The following DNAH9 variants were observed in gnomAD, a reference collection of about 807,000 sequenced individuals.
The protein encoded by DNAH9 is DNAH9 variant protein.
DNAH9 carries 345 observed loss-of-function variants against 471.6 expected under a neutral mutation model. The observed-to-expected ratio is 0.73, with a 90% CI of 0.67 to 0.80. The LOEUF is 0.80. Among genes scored for constraint, DNAH9 ranks in the 30% least tolerant of loss-of-function variants. The pLI is 0.00. For synonymous variants in DNAH9, 2,093 were observed against 2,123.6 expected, an observed-to-expected ratio of 0.99 and a Z score of 0.40; for missense variants, 5,407 against 5,609.2, an observed-to-expected ratio of 0.96 and a Z score of 1.15.
At chr17:11,847,657 A>G (rs1971273973) in intron 49 of DNAH9, among the ~76,000 whole-genome samples, 2 of 152,182 alleles carry the variant, frequency 1.3e-5, no homozygotes, top group African/African-American at 4.8e-5. Flanking sequence ...AATCTTCTCT[A>G]TATATGAAAA....
At chr17:11,695,391 A>G (rs538777725) in intron 22 of DNAH9, among the ~76,000 whole-genome samples, 48 of 152,182 alleles carry the variant, frequency 3.2e-4, no homozygotes, top group Non-Finnish European at 5.3e-4. Context: ...AAATTTCTAT[A>G]GGGAGATAAG....
At chr17:11,895,463 TTCTC>T (rs1216898620) in intron 59 of DNAH9, among the ~76,000 whole-genome samples, 1 of 152,230 alleles carries the variant, frequency 6.6e-6, no homozygotes, top group Admixed American at 6.5e-5. Context: ...TTGGCTTTCT[TTCTC>T]CTTATTTTTT....
intron 26 of DNAH9, among the ~76,000 whole-genome samples, chr17:11,713,968 A>G (rs972969592): frequency 6.6e-6 from 1 of 152,210 alleles, no homozygotes; most frequent in African/African-American, 2.4e-5. Flanking sequence ...CATTTTGAGA[A>G]AGACATTTAC....
At chr17:11,637,189 G>C (rs372865625) in intron 9 of DNAH9, among the ~76,000 whole-genome samples, 9 of 152,212 alleles carry the variant, frequency 5.9e-5, no homozygotes, top group Non-Finnish European at 1.0e-4. Flanking sequence ...CTTCTGGTGG[G>C]AGGAACCAGC....
At chr17:11,901,660 C>T (rs537073772) in intron 59 of DNAH9, among the ~76,000 whole-genome samples, 12 of 152,274 alleles carry the variant, frequency 7.9e-5, no homozygotes, top group East Asian at 7.7e-4. Context: ...CATGCCACTG[C>T]GCTCCAGCCT....
intron 19 of DNAH9, 44 bp from the exon 20 acceptor site, chr17:11,689,521 GC>G: frequency 6.5e-7 from 1 of 1,532,048 alleles, no homozygotes. Context: ...TAGGAGATGG[GC>G]CCCTGCGTGC....
At chr17:11,754,133 C>CA (rs57757184) in intron 33 of DNAH9, among the ~76,000 whole-genome samples, 223 of 143,090 alleles carry the variant, frequency 1.6e-3, no homozygotes, top group Admixed American at 2.0e-3. Context: ...TTCATGTTCC[C>CA]AAAAAAAAAA....
At chr17:11,730,079 C>T (rs917862111) in intron 28 of DNAH9, among the ~76,000 whole-genome samples, 3 of 152,178 alleles carry the variant, frequency 2.0e-5, no homozygotes, top group South Asian at 2.1e-4. Context: ...GTTGCCAGAA[C>T]GTGAGGCTCT....
At chr17:11,609,855 A>G (rs543349728) in intron 2 of DNAH9, among the ~76,000 whole-genome samples, 61 of 152,360 alleles carry the variant, frequency 4.0e-4, no homozygotes, top group Middle Eastern at 3.4e-3. Context: ...AGCCTTGTGA[A>G]GGAGGAAATA....
Position 11,617,517 on chromosome 17 carries a change from C to T in DNAH9, c.1011C>T (p.Pro337=). ...CGGAGGTGAAGCCCCAGCTGCGGCC[C>T]CTGCTCCACGTGGTCTGTCTGATTT... ...EFPEVKPQLR[P]LLHVVCLIWA... The change falls in exon 5 of 69, where the codon CCC becomes CCT. Residue 337 remains proline, a synonymous_variant. Coordinates refer to ENST00000262442, the MANE Select transcript of DNAH9 (RefSeq NM_001372.4). 6.2e-7 allele frequency: 1 copy of T among 1,614,122 alleles called. No homozygotes were observed. The highest frequency in any genetic ancestry group is 1.1e-5 in the South Asian group (1 of 91,080).
intron 64 of DNAH9, among the ~76,000 whole-genome samples, 194 bp from the exon 65 acceptor site, chr17:11,933,686 A>G (rs1308161752): frequency 6.6e-6 from 1 of 152,100 alleles, no homozygotes; most frequent in Admixed American, 6.5e-5. Flanking sequence ...GGCCTTCTTC[A>G]GGCTTTTAAT....
At position 11,807,846 on chromosome 17, in the gene DNAH9, T is replaced by C; in HGVS notation, c.8535T>C (p.Asp2845=). Residue 2845 remains aspartate (D), a synonymous_variant, in exon 44 of 69, where the codon GAT becomes GAC. Coordinates refer to ENST00000262442, the MANE Select transcript of DNAH9 (RefSeq NM_001372.4). ...TRLAAFISSM[D]VFQITLRKGY... is the part of the protein sequence containing the mutation. Reference sequence around the variant, plus strand: ...TGGCAGCTTTCATCAGCTCCATGGATGTCTTCCAGATCACACTGCGCAAAG... The same window carrying C: ...TGGCAGCTTTCATCAGCTCCATGGACGTCTTCCAGATCACACTGCGCAAAG... 1 of 1,614,030 alleles carries C rather than the reference T, an allele frequency of 6.2e-7. No homozygotes were observed. The highest frequency in any genetic ancestry group is 2.2e-5 in the East Asian group (1 of 44,878).
At chr17:11,950,493 G>A (rs945058913) in intron 67 of DNAH9, among the ~76,000 whole-genome samples, 1 of 152,044 alleles carries the variant, frequency 6.6e-6, no homozygotes, top group African/African-American at 2.4e-5. Flanking sequence ...AGCCACGTGC[G>A]TAGCTGGAAC....
intron 49 of DNAH9, among the ~76,000 whole-genome samples, chr17:11,843,173 T>G (rs1211602466): frequency 6.6e-6 from 1 of 152,286 alleles, no homozygotes; most frequent in East Asian, 1.9e-4. Context: ...AAATGTGTCC[T>G]GGATTTCTAG....
At chr17:11,785,549 G>A (rs1968837379) in intron 41 of DNAH9, among the ~76,000 whole-genome samples, 1 of 152,058 alleles carries the variant, frequency 6.6e-6, no homozygotes, top group South Asian at 2.1e-4. Context: ...CTAAACCCTG[G>A]TTCAGAGACT....
At chr17:11,916,797 A>C (rs1277466532) in intron 61 of DNAH9, among the ~76,000 whole-genome samples, 1 of 152,154 alleles carries the variant, frequency 6.6e-6, no homozygotes, top group African/African-American at 2.4e-5. Context: ...AGAGTTTTAA[A>C]ACCCCTAGAT....
At chr17:11,674,892 A>G (rs1271125223) in intron 17 of DNAH9, among the ~76,000 whole-genome samples, 4 of 152,156 alleles carry the variant, frequency 2.6e-5, no homozygotes, top group African/African-American at 9.7e-5. Context: ...CTTAGTAACA[A>G]ATCTCTATAT....
intron 14 of DNAH9, among the ~76,000 whole-genome samples, chr17:11,657,668 A>G (rs959758480): frequency 5.3e-5 from 8 of 151,908 alleles, no homozygotes; most frequent in Non-Finnish European, 7.4e-5. Flanking sequence ...GAAGTTTTAC[A>G]GTTTTAACTT....
chr17:11,669,116 C>T lies in DNAH9; in HGVS notation c.2784C>T (p.Ile928=). The T allele has an allele frequency of 6.2e-7, 1 of 1,613,796 alleles. No homozygotes were observed. The highest frequency in any genetic ancestry group is 8.5e-7 in the Non-Finnish European group (1 of 1,179,756). ...TTGAAGCACAACTGAGTCTAGCCAT[C>T]CCAGAGCTAGTTTTCTATCCGTCTC... ...PIFEAQLSLA[I]PELVFYPSLE... Residue 928 remains isoleucine (I), a synonymous_variant, in exon 16 of 69, where the codon ATC becomes ATT. Transcript: ENST00000262442.
Sources: allele counts gnomAD v4.1 joint callset (sites outside exome capture counted in the v4.1 genomes callset), GRCh38; gene constraint gnomAD v4.1.1; transcripts MANE v1.5; gene names NCBI Gene and HGNC (gene_info 2026-07-23, HGNC 2026-07-21).